Variants in ASH1L observed in about 807,000 individuals in gnomAD.
ASH1L encodes histone-lysine N-methyltransferase ASH1L.
Under a neutral mutation model 269.0 loss-of-function variants are expected in ASH1L, and 23 were observed. The ratio of observed to expected loss-of-function variants is 0.09; its 90% CI spans 0.06 to 0.12. The LOEUF is 0.12. Among genes scored for constraint, ASH1L ranks in the 10% least tolerant of loss-of-function variants. The pLI, the probability that ASH1L is intolerant of heterozygous loss-of-function variation, is 1.00. For missense variants in ASH1L, 2,912 were observed against 3,567.8 expected, an observed-to-expected ratio of 0.82 and a Z score of 4.68; for synonymous variants, 1,187 against 1,253.5, an observed-to-expected ratio of 0.95 and a Z score of 1.12.
At chr1:155,509,633 T>C (rs958170068) in intron 2 of ASH1L, among the ~76,000 whole-genome samples, 1 of 152,070 alleles carries the variant, frequency 6.6e-6, no homozygotes, top group Non-Finnish European at 1.5e-5. Context: ...AGCCTGTCTC[T>C]ACTAAAAATA....
intron 4 of ASH1L, among the ~76,000 whole-genome samples, chr1:155,445,968 T>A (rs1215409304): frequency 1.3e-5 from 2 of 151,764 alleles, no homozygotes; most frequent in African/African-American, 2.4e-5. Flanking sequence ...TGGCCCCAAA[T>A]GATCTTCCTG....
At chr1:155,554,517 C>A (rs1671448831) in intron 1 of ASH1L, among the ~76,000 whole-genome samples, 1 of 152,056 alleles carries the variant, frequency 6.6e-6, no homozygotes, top group African/African-American at 2.4e-5. Flanking sequence ...GGTGATCCAC[C>A]CGCCTCGTCC....
intron 10 of ASH1L, 92 bp from the exon 11 acceptor site, chr1:155,371,075 A>G: frequency 9.7e-7 from 1 of 1,030,204 alleles, no homozygotes; most frequent in Non-Finnish European, 1.4e-6. Context: ...AAAAATGAAT[A>G]CATGAAATCA....
chr1:155,409,556 G>A (rs1194923412), intron 6 of ASH1L, among the ~76,000 whole-genome samples: 1 of 152,136 alleles, frequency 6.6e-6, no homozygotes, highest in African/African-American at 2.4e-5. Context: ...GGGACAATAA[G>A]TGGGATGCAA....
At chr1:155,378,458 A>G in intron 9 of ASH1L, 45 bp downstream of exon 9, 11 of 1,610,078 alleles carry the variant, frequency 6.8e-6, no homozygotes, top group Non-Finnish European at 9.4e-6. Flanking sequence ...GCTCAGAAGA[A>G]CATTAACGTA....
At chr1:155,506,698 T>TA (rs1296944361) in intron 2 of ASH1L, among the ~76,000 whole-genome samples, 6 of 151,414 alleles carry the variant, frequency 4.0e-5, no homozygotes, top group African/African-American at 1.2e-4. Flanking sequence ...CCATCTCAAA[T>TA]AAAAAAAAGA....
At chr1:155,493,628 G>A (rs1487515155) in intron 2 of ASH1L, among the ~76,000 whole-genome samples, 1 of 152,214 alleles carries the variant, frequency 6.6e-6, no homozygotes, top group African/African-American at 2.4e-5. Flanking sequence ...AACACTTTGG[G>A]AGGCTGAGGC....
intron 12 of ASH1L, among the ~76,000 whole-genome samples, chr1:155,362,506 T>G (rs563999435): frequency 3.3e-4 from 50 of 152,106 alleles, no homozygotes; most frequent in Non-Finnish European, 5.9e-4. Context: ...TATAAAAATA[T>G]GTAATATTAT....
chr1:155,531,003 A>T (rs1669636820), intron 1 of ASH1L, among the ~76,000 whole-genome samples: 2 of 152,032 alleles, frequency 1.3e-5, no homozygotes, highest in African/African-American at 2.4e-5. Flanking sequence ...AATCAATATT[A>T]AAAAATTAGC....
At chr1:155,352,297 C>CAA (rs1281473342) in intron 17 of ASH1L, among the ~76,000 whole-genome samples, 213 of 27,342 alleles carry the variant, frequency 7.8e-3, no homozygotes, top group Middle Eastern at 0.023. Flanking sequence ...ACCTCCATCT[C>CAA]AAAAAAAAAA....
intron 12 of ASH1L, among the ~76,000 whole-genome samples, chr1:155,363,949 G>A (rs1655183366): frequency 1.3e-5 from 2 of 151,524 alleles, no homozygotes; most frequent in African/African-American, 4.9e-5. Context: ...TTCCAGCCTG[G>A]GCGACAGAGC....
intron 1 of ASH1L, among the ~76,000 whole-genome samples, chr1:155,529,546 T>C (rs369988768): frequency 7.2e-5 from 11 of 152,276 alleles, no homozygotes; most frequent in African/African-American, 2.4e-4. Flanking sequence ...TTTTTTCTCA[T>C]AGATTTGCTT....
chr1:155,471,328 CCTGAGGTAA>C (rs1248704471), intron 3 of ASH1L, among the ~76,000 whole-genome samples: 1 of 152,162 alleles, frequency 6.6e-6, no homozygotes, highest in African/African-American at 2.4e-5. Flanking sequence ...GAGATGAAAG[CCTGAGGTAA>C]CTTCAAGATG....
intron 4 of ASH1L, among the ~76,000 whole-genome samples, chr1:155,452,450 AACAGTTTG>A (rs947142758): frequency 2.6e-5 from 4 of 152,172 alleles, no homozygotes; most frequent in African/African-American, 9.7e-5. Flanking sequence ...TTATTTGTAG[AACAGTTTG>A]ACAGTTTGAT....
At chr1:155,403,257 TCATTGTGGAAGGATCC>T (rs1334322583) in intron 6 of ASH1L, among the ~76,000 whole-genome samples, 1 of 150,938 alleles carries the variant, frequency 6.6e-6, no homozygotes, top group Non-Finnish European at 1.5e-5. Context: ...AGCTGAAGGA[TCATTGTGGAAGGATCC>T]CAGGAGTTTC....
At chr1:155,415,601 G>A (rs915485764) in intron 6 of ASH1L, 143 bp downstream of exon 6, 7 of 873,336 alleles carry the variant, frequency 8.0e-6, no homozygotes, top group African/African-American at 5.1e-5. Context: ...AAGTTTGAGG[G>A]AGGCGTACCT....
At chr1:155,487,598 G>A (rs527467617) in intron 2 of ASH1L, among the ~76,000 whole-genome samples, 1 of 152,070 alleles carries the variant, frequency 6.6e-6, no homozygotes, top group East Asian at 1.9e-4. Flanking sequence ...TGTTGCCCAG[G>A]CTAATCTCGA....
chr1:155,434,204 G>A (rs1661885410), intron 5 of ASH1L: 7 of 1,596,354 alleles, frequency 4.4e-6, no homozygotes, highest in Non-Finnish European at 6.0e-6. Flanking sequence ...TTTCCCTGAG[G>A]GGGAAGCCTT....
At position 155,461,802 on chromosome 1, in the gene ASH1L, GT is replaced by G. The variant is rs398053426; in HGVS notation, c.4985-1905del. Among the ~76,000 whole-genome samples the G allele has an allele frequency of 4.7e-3, 594 of 127,088 alleles. 2 individuals are homozygous for G. Among genetic ancestry groups the G allele is most frequent in the African/African-American group, 0.011 (373 of 34,890 alleles). The allele number at this position is 127,088 out of a possible 152,430, so 83.4% of individuals were successfully genotyped here. A position where few individuals can be genotyped will look rare whatever the true frequency, so the allele number is the denominator to read the frequency against. ...GTACTAAGAAAAGAGGGGTTTGAGG[GT>G]TTTTTTTTTTTTTTTTTGGGAGACG... On this transcript the variant is annotated intron_variant, in intron 3 of 27. Transcript: ENST00000392403.
Sources: allele counts gnomAD v4.1 joint callset (sites outside exome capture counted in the v4.1 genomes callset), GRCh38; gene constraint gnomAD v4.1.1; transcripts MANE v1.5; gene names NCBI Gene and HGNC (gene_info 2026-07-23, HGNC 2026-07-21).